The following ARNT variants were observed in gnomAD, a reference collection of about 807,000 sequenced individuals.
ARNT encodes aryl hydrocarbon receptor nuclear translocator.
Under a neutral mutation model 105.0 loss-of-function variants are expected in ARNT, and 30 were observed. The observed-to-expected ratio is 0.29, with a 90% CI of 0.21 to 0.39. ARNT has a LOEUF of 0.39. Among genes scored for constraint, ARNT ranks in the 10% least tolerant of loss-of-function variants. ARNT has a pLI of 1.00. For synonymous variants in ARNT, 304 were observed against 344.0 expected (o/e 0.88, Z 1.29); for missense variants, 748 against 978.7 (o/e 0.76, Z 3.15).
At chr1:150,830,136 AT>A in intron 10 of ARNT, 156 bp from the exon 11 acceptor site, 1 of 726,966 alleles carries the variant, frequency 1.4e-6, no homozygotes, top group East Asian at 2.8e-5. Context: ...AGGTGGGCGG[AT>A]CACTTGAGGA....
At chr1:150,873,172 C>T (rs1667735159) in intron 1 of ARNT, among the ~76,000 whole-genome samples, 1 of 151,602 alleles carries the variant, frequency 6.6e-6, no homozygotes, top group Non-Finnish European at 1.5e-5. Flanking sequence ...ACCTGTAGTC[C>T]CAGCTACTCG....
intron 4 of ARNT, among the ~76,000 whole-genome samples, chr1:150,843,353 A>C (rs1661606481): frequency 6.6e-6 from 1 of 152,210 alleles, no homozygotes; most frequent in Admixed American, 6.5e-5. Flanking sequence ...ATTCCATTTT[A>C]AATATATTTA....
At chr1:150,850,670 A>C (rs1429627522) in intron 3 of ARNT, among the ~76,000 whole-genome samples, 1 of 152,216 alleles carries the variant, frequency 6.6e-6, no homozygotes, top group African/African-American at 2.4e-5. Flanking sequence ...GGCTTCCCAA[A>C]GTGCCAGGAT....
chr1:150,853,719 G>T (rs1176108673), intron 2 of ARNT, among the ~76,000 whole-genome samples: 1 of 152,216 alleles, frequency 6.6e-6, no homozygotes, highest in Non-Finnish European at 1.5e-5. Context: ...GAATAGGAAA[G>T]TGTCACATAA....
Position 150,810,090 on chromosome 1 carries a change from G to C in ARNT, c.*1931C>G, listed in dbSNP as rs1471969333. On this transcript the variant is annotated 3_prime_UTR_variant, in exon 22 of 22. Coordinates refer to ENST00000358595, the MANE Select transcript of ARNT (RefSeq NM_001668.4). ...CCGCAATCAAGATCACACAACACAAGAAATTTTACAAAAGGAAAAAATATT... is the reference window on the plus strand; with the variant it reads ...CCGCAATCAAGATCACACAACACAACAAATTTTACAAAAGGAAAAAATATT... The C allele has an allele frequency of 4.3e-6, 1 of 230,150 alleles. No homozygotes were observed. The highest frequency in any genetic ancestry group is 6.2e-5 in the East Asian group (1 of 16,248). 14.3% of individuals were successfully genotyped at this position (230,150 alleles called of 1,614,324 possible).
intron 21 of ARNT, 143 bp downstream of exon 21, chr1:150,813,029 C>T (rs1054154896): frequency 3.4e-6 from 3 of 893,656 alleles, no homozygotes; most frequent in Non-Finnish European, 5.1e-6. Context: ...TGACAGTGAT[C>T]CCTACATTTA....
At chr1:150,831,924 TGAA>T in intron 9 of ARNT, 21 bp from the exon 10 acceptor site, 1 of 1,368,334 alleles carries the variant, frequency 7.3e-7, no homozygotes, top group Non-Finnish European at 9.9e-7. Context: ...TACAGGAGTT[TGAA>T]AAAAAAAAAA....
Position 150,823,197 on chromosome 1 carries a change from A to G in ARNT, c.1391T>C (p.Val464Ala), listed in dbSNP as rs1484627450. ...CACACTCCTGTATAATACATACTTC[A>G]CATTGGTGTTGGTACAGATGATGTA... The part of the protein sequence containing the change: ...IEYIICTNTN[V>A]KNSSQEPRPT... Residue 464 changes from valine (V) to alanine (A), a missense_variant, in exon 14 of 22, where the codon GTG becomes GCG. Transcript: ENST00000358595. 6.2e-7 allele frequency: 1 copy of G among 1,604,334 alleles called. No homozygotes were observed. Among genetic ancestry groups the G allele is most frequent in the Non-Finnish European group, 8.5e-7 (1 of 1,173,558 alleles).
At chr1:150,821,630 G>A (rs1657083179) in intron 14 of ARNT, among the ~76,000 whole-genome samples, 1 of 152,030 alleles carries the variant, frequency 6.6e-6, no homozygotes, top group Non-Finnish European at 1.5e-5. Flanking sequence ...CGGTGTGTAT[G>A]TATACGTTGT....
chr1:150,858,144 T>C (rs587649187), intron 2 of ARNT, among the ~76,000 whole-genome samples: 1 of 152,266 alleles, frequency 6.6e-6, no homozygotes, highest in Non-Finnish European at 1.5e-5. Flanking sequence ...AAAAAAGAAC[T>C]GCTTACGGGA....
At chr1:150,813,144 A>C in intron 21 of ARNT, 28 bp downstream of exon 21, 1 of 1,603,142 alleles carries the variant, frequency 6.2e-7, no homozygotes, top group Non-Finnish European at 8.5e-7. Context: ...CCAGCTTCTA[A>C]TTTTTGAAAG....
At chr1:150,848,232 G>A (rs1288422354) in intron 3 of ARNT, among the ~76,000 whole-genome samples, 5 of 152,168 alleles carry the variant, frequency 3.3e-5, no homozygotes, top group African/African-American at 4.8e-5. Flanking sequence ...TTGGGAGGCC[G>A]AGCCGAGTGG....
In ARNT at chr1:150,816,296, G is replaced by T; in HGVS notation, c.1913C>A (p.Thr638Asn). The T allele has an allele frequency of 6.2e-7, 1 of 1,608,210 alleles. No individual in the cohort carries two copies. Among genetic ancestry groups the T allele is most frequent in the Non-Finnish European group, 8.5e-7 (1 of 1,178,356 alleles). The change falls in exon 19 of 22, where the codon ACT becomes AAT. Residue 638 changes from threonine (T) to asparagine (N), a missense_variant. Transcript: ENST00000358595. ...GCCTGAGCGGGTAGTAGGGGTCCAA[G>T]TTGGGGTTGCTCCTTGGGTGGGGTT... Reference protein sequence around the residue: ...HSNPTQGATPTWTPTTRSGFS... With the variant: ...HSNPTQGATPNWTPTTRSGFS...
chr1:150,858,281 TA>T, intron 2 of ARNT, 67 bp downstream of exon 2: 1 of 1,224,544 alleles, frequency 8.2e-7, no homozygotes, highest in Non-Finnish European at 1.2e-6. Context: ...GTTCAGCAAC[TA>T]AATAAATTCA....
At chr1:150,849,402 GT>G (rs1207877432) in intron 3 of ARNT, among the ~76,000 whole-genome samples, 3 of 152,224 alleles carry the variant, frequency 2.0e-5, no homozygotes, top group South Asian at 2.1e-4. Flanking sequence ...GAGTCTTACT[GT>G]TTTTCTTACT....
intron 3 of ARNT, among the ~76,000 whole-genome samples, chr1:150,852,280 G>C (rs1247507152): frequency 3.9e-5 from 6 of 152,140 alleles, no homozygotes; most frequent in African/African-American, 1.4e-4. Flanking sequence ...GGCTTGATAA[G>C]CACTTGCACA....
intron 19 of ARNT, 22 bp downstream of exon 19, chr1:150,816,237 A>C (rs770642997): frequency 6.3e-7 from 1 of 1,590,972 alleles, no homozygotes; most frequent in South Asian, 1.1e-5. Flanking sequence ...TACACAGGGA[A>C]CACACAGATG....
intron 2 of ARNT, among the ~76,000 whole-genome samples, chr1:150,854,285 T>A (rs587615843): frequency 6.6e-6 from 1 of 152,252 alleles, no homozygotes; most frequent in East Asian, 1.9e-4. Context: ...CAGCCAGGCA[T>A]GGTTGCTCAC....
rs759158743 is a variant in ARNT at position 150,813,080 on chromosome 1, T to A, written c.2280+92A>T. On this transcript the variant is annotated intron_variant, in intron 21 of 21. Coordinates refer to ENST00000358595, the MANE Select transcript of ARNT (RefSeq NM_001668.4). The stretch of plus-strand genomic sequence containing the variant: ...TCACATATACCCCCAACCAAACACC[T>A]CAATCCAGGCATGCTTCCTTCACTG... The A allele has an allele frequency of 7.0e-6, 10 of 1,428,850 alleles. No homozygotes were observed. The South Asian group carries it at 8.1e-5, about 12-fold the overall frequency. 88.5% of individuals were successfully genotyped at this position (1,428,850 alleles called of 1,614,324 possible).
Sources: gnomAD v4.1 joint callset for allele counts (sites outside exome capture counted in the v4.1 genomes callset) on GRCh38, gnomAD v4.1.1 for gene constraint, MANE v1.5 for transcripts, NCBI Gene and HGNC (gene_info 2026-07-23, HGNC 2026-07-21) for gene names.